The following TXNRD1 variants were observed in gnomAD, a reference collection of about 807,000 sequenced individuals.
TXNRD1 encodes the protein thioredoxin reductase 1.
In TXNRD1, 57 loss-of-function variants were observed where a neutral mutation model predicts 80.3. The ratio of observed to expected loss-of-function variants is 0.71; its 90% confidence interval spans 0.57 to 0.89. The LOEUF is 0.89. TXNRD1 is among the 40% of genes least tolerant of loss of function. The probability of loss-of-function intolerance (pLI) is 0.00; values close to 1 mark genes in which losing one functional copy is unlikely to be tolerated. For missense variants in TXNRD1, 730 were observed against 803.0 expected, an observed-to-expected ratio of 0.91 and a Z score of 1.10; for synonymous variants, 291 against 285.2, an observed-to-expected ratio of 1.02 and a Z score of -0.20.
intron 2 of TXNRD1, among the ~76,000 whole-genome samples, chr12:104,254,644 A>AAAAAAAAAAAAAAAAATATATATATATAT: frequency 3.2e-5 from 3 of 93,626 alleles, no homozygotes; most frequent in African/African-American, 1.0e-4. Flanking sequence ...AAAAAAAAAA[A>AAAAAAAAAAAAAAAAATATATATATATAT]ATATATATAT....
intron 3 of TXNRD1, among the ~76,000 whole-genome samples, chr12:104,280,080 A>T (rs957266551): frequency 5.3e-5 from 8 of 150,734 alleles, no homozygotes; most frequent in African/African-American, 2.0e-4. Context: ...AAAAAAAAAA[A>T]AAATTCCTCT....
intron 12 of TXNRD1, 137 bp from the exon 13 acceptor site, chr12:104,327,378 T>C (rs951529292): frequency 1.3e-6 from 1 of 758,856 alleles, no homozygotes; most frequent in Non-Finnish European, 2.0e-6. Context: ...TGAGCTGTTT[T>C]GTTTTATTTT....
chr12:104,334,625 C>T (rs2036072043), intron 15 of TXNRD1, among the ~76,000 whole-genome samples: 1 of 152,178 alleles, frequency 6.6e-6, no homozygotes, highest in Non-Finnish European at 1.5e-5. Context: ...CTGTCTCGGC[C>T]TCCCAAGGTG....
intron 3 of TXNRD1, among the ~76,000 whole-genome samples, chr12:104,285,090 G>A (rs746713372): frequency 4.6e-5 from 7 of 152,130 alleles, no homozygotes; most frequent in Non-Finnish European, 8.8e-5. Context: ...CATGAGAATC[G>A]CTGGAAGCAG....
At chr12:104,228,042 C>T (rs1419450226) in intron 1 of TXNRD1, among the ~76,000 whole-genome samples, 1 of 152,110 alleles carries the variant, frequency 6.6e-6, no homozygotes. Flanking sequence ...GTGGCTCACA[C>T]CCGTAATCCC....
intron 3 of TXNRD1, chr12:104,265,367 C>T: frequency 6.2e-7 from 1 of 1,608,858 alleles, no homozygotes; most frequent in South Asian, 1.1e-5. Context: ...CTGCCCACCC[C>T]CAAATGCCAC....
At chr12:104,312,222 A>T (rs1316988116) in intron 5 of TXNRD1, among the ~76,000 whole-genome samples, 1 of 152,146 alleles carries the variant, frequency 6.6e-6, no homozygotes, top group Non-Finnish European at 1.5e-5. Context: ...CTTTTTGTAT[A>T]TGTGAGGTTA....
chr12:104,325,869 C>T (rs1467120383), intron 11 of TXNRD1, among the ~76,000 whole-genome samples: 1 of 38,272 alleles, frequency 2.6e-5, no homozygotes, highest in Non-Finnish European at 4.9e-5. Flanking sequence ...GAGACTCCAT[C>T]TCAAAAAAAA....
At chr12:104,277,235 CA>C (rs569575459) in intron 3 of TXNRD1, among the ~76,000 whole-genome samples, 33,110 of 141,574 alleles carry the variant, frequency 0.23, 4,045 homozygotes, top group Middle Eastern at 0.39. Context: ...ACTAAAAATA[CA>C]AAAAAAAAAA....
intron 14 of TXNRD1, among the ~76,000 whole-genome samples, chr12:104,332,614 T>C (rs2035989542): frequency 6.6e-6 from 1 of 151,810 alleles, no homozygotes; most frequent in Non-Finnish European, 1.5e-5. Flanking sequence ...CCAGGAGTGG[T>C]GGTGCATGCC....
chr12:104,307,893 T>C (rs957944039), intron 4 of TXNRD1, among the ~76,000 whole-genome samples: 1 of 152,178 alleles, frequency 6.6e-6, no homozygotes, highest in Non-Finnish European at 1.5e-5. Context: ...CTGCAGGTCA[T>C]CTCATATTCT....
chr12:104,265,893 GAAAAAA>G (rs34390973), intron 3 of TXNRD1: 244 of 574,822 alleles, frequency 4.2e-4, no homozygotes, highest in South Asian at 9.7e-4. Flanking sequence ...CGCCCCGGTG[GAAAAAA>G]AAAAAAAAAA....
chr12:104,269,055 C>A (rs748937016), intron 3 of TXNRD1, among the ~76,000 whole-genome samples: 1 of 151,334 alleles, frequency 6.6e-6, no homozygotes, highest in Non-Finnish European at 1.5e-5. Flanking sequence ...CAGGCGCCTG[C>A]CACCATGCCT....
chr12:104,248,372 C>A (rs2135701310), intron 1 of TXNRD1, among the ~76,000 whole-genome samples: 1 of 152,282 alleles, frequency 6.6e-6, no homozygotes, highest in Middle Eastern at 3.4e-3. Context: ...GCAACCTCCA[C>A]CTCCTGGGTT....
intron 4 of TXNRD1, among the ~76,000 whole-genome samples, chr12:104,293,210 G>C (rs899628518): frequency 3.9e-5 from 6 of 152,208 alleles, no homozygotes; most frequent in African/African-American, 1.2e-4. Context: ...AGGAGAAGCA[G>C]AGTGAGTGAA....
intron 1 of TXNRD1, among the ~76,000 whole-genome samples, chr12:104,228,103 G>A (rs2032517687): frequency 6.6e-6 from 1 of 152,112 alleles, no homozygotes. Flanking sequence ...AGGAGTTAGA[G>A]ACCAGTCTGA....
intron 1 of TXNRD1, among the ~76,000 whole-genome samples, chr12:104,251,126 C>G (rs1233639633): frequency 1.3e-5 from 2 of 152,122 alleles, no homozygotes; most frequent in African/African-American, 4.8e-5. Context: ...TGTCTGTAAG[C>G]AGGGTTGTGT....
intron 3 of TXNRD1, among the ~76,000 whole-genome samples, chr12:104,275,845 G>C (rs567288476): frequency 6.6e-6 from 1 of 152,312 alleles, no homozygotes; most frequent in African/African-American, 2.4e-5. Flanking sequence ...AAGCTATTGA[G>C]TCTTTTACAT....
intron 1 of TXNRD1, among the ~76,000 whole-genome samples, chr12:104,234,116 C>G (rs185469054): frequency 6.6e-5 from 10 of 151,960 alleles, no homozygotes; most frequent in Non-Finnish European, 1.0e-4. Context: ...AAACTGTCTT[C>G]GAGAAGGAAC....
Sources: gnomAD v4.1 joint callset for allele counts (sites outside exome capture counted in the v4.1 genomes callset) on GRCh38, gnomAD v4.1.1 for gene constraint, MANE v1.5 for transcripts, NCBI Gene and HGNC (gene_info 2026-07-23, HGNC 2026-07-21) for gene names.